The following STAG1 variants were observed in gnomAD, a reference collection of about 807,000 sequenced individuals.
STAG1 encodes STAG1 cohesin complex component.
A neutral mutation model predicts 170.9 loss-of-function variants in STAG1; 26 were observed. The observed-to-expected ratio is 0.15, with a 90% confidence interval of 0.11 to 0.21. The LOEUF (loss-of-function observed/expected upper bound fraction) is 0.21, where lower values mean the gene tolerates loss of function less well. Ranked by LOEUF, STAG1 falls within the 10% of genes least tolerant of loss-of-function variation. STAG1 has a pLI of 1.00. For missense variants in STAG1, 964 were observed against 1,509.5 expected (o/e 0.64, Z 5.99); for synonymous variants, 514 against 497.7 (o/e 1.03, Z -0.44).
chr3:136,499,640 T>G (rs1933359311), intron 9 of STAG1: 1 of 152,484 alleles, frequency 6.6e-6, no homozygotes, highest in Non-Finnish European at 1.5e-5. Context: ...TTAGTGTTTT[T>G]AAGGTTCCTG....
At chr3:136,547,839 T>TA (rs1936222352) in intron 5 of STAG1, among the ~76,000 whole-genome samples, 1 of 152,210 alleles carries the variant, frequency 6.6e-6, no homozygotes, top group African/African-American at 2.4e-5. Context: ...TAAGAGTCGG[T>TA]AAGTTTCAGG....
At chr3:136,611,422 T>C (rs1355724454) in intron 3 of STAG1, among the ~76,000 whole-genome samples, 1 of 152,086 alleles carries the variant, frequency 6.6e-6, no homozygotes, top group Non-Finnish European at 1.5e-5. Flanking sequence ...GTGCTGGGAT[T>C]ACAGGTGTAA....
intron 26 of STAG1, among the ~76,000 whole-genome samples, chr3:136,360,099 G>A (rs1936803205): frequency 6.6e-6 from 1 of 152,120 alleles, no homozygotes; most frequent in African/African-American, 2.4e-5. Context: ...TATTTCCTGT[G>A]AAAATAACAA....
chr3:136,388,451 C>A (rs1400220249), intron 22 of STAG1, among the ~76,000 whole-genome samples: 2 of 152,176 alleles, frequency 1.3e-5, no homozygotes, highest in African/African-American at 2.4e-5. Flanking sequence ...TCACTGCAAC[C>A]TCCGCCTCCT....
chr3:136,415,569 G>A (rs757497349), intron 21 of STAG1, among the ~76,000 whole-genome samples: 47 of 152,160 alleles, frequency 3.1e-4, no homozygotes, highest in Non-Finnish European at 6.2e-4. Context: ...CGGGTGCGGT[G>A]GCTCATGCCT....
chr3:136,651,138 G>A (rs923216471), intron 1 of STAG1, among the ~76,000 whole-genome samples: 1 of 152,114 alleles, frequency 6.6e-6, no homozygotes, highest in African/African-American at 2.4e-5. Flanking sequence ...GCCAAGGCAG[G>A]AGGATTTCTT....
intron 7 of STAG1, among the ~76,000 whole-genome samples, chr3:136,516,153 G>A (rs989056624): frequency 1.3e-5 from 2 of 152,064 alleles, no homozygotes; most frequent in African/African-American, 4.8e-5. Context: ...CAATCTGTGT[G>A]GTTAAAAATT....
intron 9 of STAG1, among the ~76,000 whole-genome samples, chr3:136,487,740 C>T (rs2090045839): frequency 6.6e-6 from 1 of 152,196 alleles, no homozygotes; most frequent in South Asian, 2.1e-4. Flanking sequence ...AAATTCTTTG[C>T]TCCTTTCATT....
chr3:136,560,256 C>T (rs183989888), intron 5 of STAG1, among the ~76,000 whole-genome samples: 8 of 152,284 alleles, frequency 5.3e-5, no homozygotes, highest in Admixed American at 5.2e-4. Context: ...TAACCACCAA[C>T]TTTCAAGTTT....
intron 22 of STAG1, among the ~76,000 whole-genome samples, chr3:136,393,887 T>C (rs2087076889): frequency 1.3e-5 from 2 of 151,962 alleles, no homozygotes; most frequent in Non-Finnish European, 2.9e-5. Context: ...TGAACCACTG[T>C]GTCCAGCCTG....
chr3:136,484,380 T>G (rs1476180290), intron 9 of STAG1, among the ~76,000 whole-genome samples: 1 of 147,532 alleles, frequency 6.8e-6, no homozygotes, highest in African/African-American at 2.5e-5. Flanking sequence ...GTCTCCCAGT[T>G]AGGCTGCTCG....
chr3:136,470,521 C>G (rs573972910), intron 12 of STAG1, among the ~76,000 whole-genome samples: 1 of 152,298 alleles, frequency 6.6e-6, no homozygotes, highest in African/African-American at 2.4e-5. Flanking sequence ...AATAGGAACA[C>G]TTTTACACTG....
At chr3:136,537,239 T>C (rs1000496027) in intron 6 of STAG1, among the ~76,000 whole-genome samples, 2 of 152,156 alleles carry the variant, frequency 1.3e-5, no homozygotes, top group Non-Finnish European at 2.9e-5. Flanking sequence ...TCTATTTCTA[T>C]TTATTTTTAT....
intron 4 of STAG1, among the ~76,000 whole-genome samples, chr3:136,581,772 G>T (rs1032120984): frequency 1.3e-5 from 2 of 151,778 alleles, no homozygotes; most frequent in South Asian, 2.1e-4. Flanking sequence ...ATGAAAAAAT[G>T]GAATTTTTTT....
chr3:136,492,636 C>G lies in STAG1; in HGVS notation c.902+7587G>C, dbSNP rs549716111. Among the ~76,000 whole-genome samples the G allele has an allele frequency of 4.6e-5, 7 of 152,220 alleles. No individual in the cohort carries two copies. The East Asian group carries it at 1.2e-3, about 25-fold the overall frequency. ...TAACACAAGATGAGCCCTAAGACTG[C>G]CCCCAGATATTTACATGCCATTTAA... On this transcript the variant is annotated intron_variant, in intron 9 of 33. Transcript: ENST00000383202.
At chr3:136,469,523 T>C (rs2089565672) in intron 12 of STAG1, among the ~76,000 whole-genome samples, 1 of 152,314 alleles carries the variant, frequency 6.6e-6, no homozygotes, top group East Asian at 1.9e-4. Context: ...TGCTCATGGA[T>C]AGGAATAATC....
intron 21 of STAG1, among the ~76,000 whole-genome samples, chr3:136,403,769 A>T (rs1227526855): frequency 1.3e-5 from 2 of 152,086 alleles, no homozygotes; most frequent in Non-Finnish European, 2.9e-5. Context: ...AGGCTGTTTC[A>T]TAGTTTTAAA....
At chr3:136,719,228 C>T (rs566597961) in intron 1 of STAG1, among the ~76,000 whole-genome samples, 75 of 152,218 alleles carry the variant, frequency 4.9e-4, no homozygotes, top group Non-Finnish European at 3.2e-4. Flanking sequence ...CATGGATTAT[C>T]CTCAAAAACA....
rs572138824 is a variant in STAG1, at chr3:136,372,374, T to C, written c.2371-3092A>G. On this transcript the variant is annotated intron_variant, in intron 23 of 33. Transcript: ENST00000383202. The stretch of plus-strand genomic sequence containing the variant: ...CTGCCTGACTGCCCGGACCAGAACT[T>C]CCAACACTATACTGAATAGGAGTGG... 5.9e-5 allele frequency among the ~76,000 whole-genome samples: 9 copies of C among 152,304 alleles called. No homozygotes were observed. The South Asian group carries it at 1.7e-3, about 28-fold the overall frequency.
Sources: gnomAD v4.1 joint callset for allele counts (sites outside exome capture counted in the v4.1 genomes callset) on GRCh38, gnomAD v4.1.1 for gene constraint, MANE v1.5 for transcripts, NCBI Gene and HGNC (gene_info 2026-07-23, HGNC 2026-07-21) for gene names.